AKAP7: variants seen among roughly 807,000 people sequenced by gnomAD.
The protein encoded by AKAP7 is A kinase (PRKA) anchor protein 7.
AKAP7 carries 39 observed loss-of-function variants against 39.5 expected under a neutral mutation model. That is an observed-to-expected ratio of 0.99 (90% CI 0.76 to 1.29). The LOEUF (loss-of-function observed/expected upper bound fraction) is 1.29, where lower values mean the gene tolerates loss of function less well. AKAP7 is among the 50% of genes most tolerant of loss of function. AKAP7 has a pLI of 0.00. For synonymous variants in AKAP7, 140 were observed against 139.1 expected, an observed-to-expected ratio of 1.01 and a Z score of -0.05; for missense variants, 414 against 407.7, an observed-to-expected ratio of 1.02 and a Z score of -0.13.
intron 5 of AKAP7, among the ~76,000 whole-genome samples, chr6:131,181,013 A>G (rs939414317): frequency 3.3e-5 from 5 of 150,264 alleles, no homozygotes; most frequent in Admixed American, 6.7e-5. Flanking sequence ...GTGCAGTGGC[A>G]CTGTCTCAGC....
At position 131,135,812 on chromosome 6, in the gene AKAP7, C is replaced by T. The variant is rs1459091628; in HGVS notation, c.19+30C>T. On this transcript the variant is annotated intron_variant, in intron 1 of 7. Coordinates refer to ENST00000431975, the MANE Select transcript of AKAP7 (RefSeq NM_016377.4). ...GACCGGGCTGTCCAGCGGGCCGGGG[C>T]GGGGGCGACAGGAGCCGCGGGGGCC... 2.4e-6 allele frequency: 3 copies of T among 1,226,920 alleles called. No individual in the cohort carries two copies. In the South Asian group the frequency reaches 1.2e-4, roughly 51 times the overall value. 76.0% of individuals were successfully genotyped at this position (1,226,920 alleles called of 1,614,324 possible). A position where few individuals can be genotyped will look rare whatever the true frequency, so the allele number is the denominator to read the frequency against.
chr6:131,169,385 C>T, intron 5 of AKAP7, 112 bp downstream of exon 5: 3 of 1,217,166 alleles, frequency 2.5e-6, no homozygotes, highest in African/African-American at 1.5e-5. Context: ...GGACTAGACT[C>T]AAGTATTTTT....
intron 6 of AKAP7, among the ~76,000 whole-genome samples, chr6:131,216,336 A>G (rs1165509701): frequency 6.6e-6 from 1 of 152,158 alleles, no homozygotes; most frequent in African/African-American, 2.4e-5. Flanking sequence ...TACATATTAA[A>G]TTATGCACAT....
rs1282944837 is a variant in AKAP7, at chr6:131,184,640, C to G, written c.590-14821C>G. The G allele has an allele frequency of 9.2e-6, 7 of 762,624 alleles. No individual in the cohort carries two copies. The Admixed American group carries it at 1.2e-4, about 13-fold the overall frequency. 47.2% of individuals were successfully genotyped at this position (762,624 alleles called of 1,614,324 possible). ...CAGGACACCACCTCCTCAGGTTGTC[C>G]CATCTTCTTGTTAATCTTTGAGTTC... On this transcript the variant is annotated intron_variant, in intron 5 of 7. Coordinates refer to ENST00000431975, the MANE Select transcript of AKAP7 (RefSeq NM_016377.4).
intron 1 of AKAP7, among the ~76,000 whole-genome samples, chr6:131,140,782 A>G (rs965003250): frequency 4.6e-5 from 7 of 152,198 alleles, no homozygotes; most frequent in Non-Finnish European, 1.5e-5. Flanking sequence ...GTGATCCTTT[A>G]TGTGTAGCTG....
intron 2 of AKAP7, among the ~76,000 whole-genome samples, chr6:131,146,812 A>T (rs1427986439): frequency 1.3e-5 from 2 of 152,244 alleles, no homozygotes; most frequent in Non-Finnish European, 1.5e-5. Flanking sequence ...CTAGTTGTAG[A>T]ATCTGGTTTC....
chr6:131,277,210 C>G (rs564261030), intron 7 of AKAP7, among the ~76,000 whole-genome samples: 11 of 152,230 alleles, frequency 7.2e-5, no homozygotes, highest in African/African-American at 2.4e-4. Context: ...AGGGCCAGTG[C>G]TGTGTTTGAT....
intron 6 of AKAP7, among the ~76,000 whole-genome samples, chr6:131,213,106 A>G (rs1312842742): frequency 6.6e-6 from 1 of 152,224 alleles, no homozygotes; most frequent in Non-Finnish European, 1.5e-5. Context: ...CCTCTAAGCT[A>G]TAAAAGCACA....
chr6:131,257,263 C>T (rs546460065), intron 7 of AKAP7, among the ~76,000 whole-genome samples: 1 of 150,506 alleles, frequency 6.6e-6, no homozygotes, highest in Non-Finnish European at 1.5e-5. Flanking sequence ...CAAAAATTAA[C>T]TGGGTGTGAT....
chr6:131,185,326 GTAA>G, intron 5 of AKAP7: 1 of 508,098 alleles, frequency 2.0e-6, no homozygotes, highest in South Asian at 1.8e-5. Context: ...TCATCCAGCT[GTAA>G]TAATTGTTCT....
rs150889190 is a variant in AKAP7 at position 131,178,013 on chromosome 6, G to T, written c.589+8740G>T. 7.2e-5 allele frequency among the ~76,000 whole-genome samples: 11 copies of T among 152,108 alleles called. No homozygotes were observed. In the East Asian group the frequency reaches 1.3e-3, roughly 19 times the overall value. Reference sequence around the variant, plus strand: ...TGCTTTGTCCCTGTTATATCCTCACGCAAAGGTCTTTCCTTATTGGTGGTT... The same window carrying T: ...TGCTTTGTCCCTGTTATATCCTCACTCAAAGGTCTTTCCTTATTGGTGGTT... On this transcript the variant is annotated intron_variant, in intron 5 of 7. Transcript: ENST00000431975.
chr6:131,233,128 A>G (rs1054369366), intron 7 of AKAP7, among the ~76,000 whole-genome samples: 1 of 150,244 alleles, frequency 6.7e-6, no homozygotes, highest in Non-Finnish European at 1.5e-5. Flanking sequence ...AATCTGTATA[A>G]TATAGTGTTA....
intron 5 of AKAP7, among the ~76,000 whole-genome samples, chr6:131,174,905 C>T (rs2128249198): frequency 6.9e-6 from 1 of 144,438 alleles, no homozygotes; most frequent in Non-Finnish European, 1.6e-5. Flanking sequence ...GGGATTGGTG[C>T]CCAGAACCCT....
At chr6:131,253,531 C>G (rs1346384565) in intron 7 of AKAP7, among the ~76,000 whole-genome samples, 2 of 152,122 alleles carry the variant, frequency 1.3e-5, no homozygotes, top group Non-Finnish European at 2.9e-5. Context: ...CCTTACTGTG[C>G]TGTCAAACAT....
At chr6:131,258,266 T>C (rs1485491211) in intron 7 of AKAP7, among the ~76,000 whole-genome samples, 1 of 152,224 alleles carries the variant, frequency 6.6e-6, no homozygotes, top group Non-Finnish European at 1.5e-5. Context: ...TACTAATGGA[T>C]TCTTTCTTTA....
At chr6:131,217,173 A>C (rs1809265034) in intron 6 of AKAP7, among the ~76,000 whole-genome samples, 1 of 152,148 alleles carries the variant, frequency 6.6e-6, no homozygotes, top group African/African-American at 2.4e-5. Context: ...TTTAAAATAT[A>C]ATCTGGGAGG....
intron 5 of AKAP7, among the ~76,000 whole-genome samples, chr6:131,177,386 T>C (rs989757852): frequency 6.6e-6 from 1 of 151,928 alleles, no homozygotes; most frequent in Non-Finnish European, 1.5e-5. Context: ...AGTGGAAAAG[T>C]GAGTGGGTGC....
At chr6:131,263,433 C>T (rs1387771519) in intron 7 of AKAP7, among the ~76,000 whole-genome samples, 1 of 152,036 alleles carries the variant, frequency 6.6e-6, no homozygotes, top group African/African-American at 2.4e-5. Context: ...CTCCTCATTC[C>T]CATATATGAA....
intron 2 of AKAP7, 21 bp from the exon 3 acceptor site, chr6:131,160,038 T>A (rs1273311297): frequency 6.4e-7 from 1 of 1,565,272 alleles, no homozygotes; most frequent in Non-Finnish European, 8.6e-7. Flanking sequence ...TTAGACGTAT[T>A]GTTTGACTTT....
Sources: gnomAD v4.1 joint callset for allele counts (sites outside exome capture counted in the v4.1 genomes callset) on GRCh38, gnomAD v4.1.1 for gene constraint, MANE v1.5 for transcripts, NCBI Gene and HGNC (gene_info 2026-07-23, HGNC 2026-07-21) for gene names.